The following KHDRBS2 variants were observed in gnomAD, a reference collection of about 807,000 sequenced individuals.
The protein encoded by KHDRBS2 is KH RNA binding domain containing, signal transduction associated 2.
A neutral mutation model predicts 44.3 loss-of-function variants in KHDRBS2; 26 were observed. That is an observed-to-expected ratio of 0.59 (90% CI 0.43 to 0.81). The LOEUF (loss-of-function observed/expected upper bound fraction) is 0.81, where lower values mean the gene tolerates loss of function less well. Among genes scored for constraint, KHDRBS2 ranks in the 40% least tolerant of loss-of-function variants. The pLI is 0.00. For missense variants in KHDRBS2, 476 were observed against 433.1 expected (o/e 1.10, Z -0.88); for synonymous variants, 194 against 151.1 (o/e 1.28, Z -2.08).
chr6:61,954,607 C>A (rs1289291899), intron 4 of KHDRBS2, among the ~76,000 whole-genome samples: 1 of 135,264 alleles, frequency 7.4e-6, no homozygotes, highest in Admixed American at 7.4e-5. Flanking sequence ...CACATACATA[C>A]TTATGTATAC....
intron 7 of KHDRBS2, among the ~76,000 whole-genome samples, chr6:61,730,977 A>T (rs192417436): frequency 1.3e-5 from 2 of 152,044 alleles, no homozygotes; most frequent in African/African-American, 4.8e-5. Context: ...TCATTATCAG[A>T]AAATTATTCC....
chr6:62,074,812 A>T lies in KHDRBS2; in HGVS notation c.220-26818T>A, dbSNP rs540710068. Among the ~76,000 whole-genome samples, 65 of 151,960 alleles carry T rather than the reference A, an allele frequency of 4.3e-4. No homozygotes were observed. In the South Asian group the frequency reaches 0.013, roughly 30 times the overall value. On this transcript the variant is annotated intron_variant, in intron 2 of 8. Coordinates refer to ENST00000281156, the MANE Select transcript of KHDRBS2 (RefSeq NM_152688.4). Reference sequence around the variant, plus strand: ...CTCTAGGACCTTAACATATTTTATTATAGTTTCAACATTTTTACTTCTCTG... The same window carrying T: ...CTCTAGGACCTTAACATATTTTATTTTAGTTTCAACATTTTTACTTCTCTG...
chr6:62,110,974 A>G lies in KHDRBS2; in HGVS notation c.220-62980T>C, dbSNP rs150156355. 6.8e-4 allele frequency among the ~76,000 whole-genome samples: 103 copies of G among 152,236 alleles called. 1 individual carries two copies. In the East Asian group the frequency reaches 0.019, roughly 28 times the overall value. On this transcript the variant is annotated intron_variant, in intron 2 of 8. Transcript: ENST00000281156. ...TAAAATTTAGAATTTGTTTTTAAGTATAACAGACCTTTATAATAACTCCAT... is the reference window on the plus strand; with the variant it reads ...TAAAATTTAGAATTTGTTTTTAAGTGTAACAGACCTTTATAATAACTCCAT...
intron 1 of KHDRBS2, among the ~76,000 whole-genome samples, chr6:62,207,450 T>C (rs1377719365): frequency 6.6e-6 from 1 of 152,128 alleles, no homozygotes; most frequent in Non-Finnish European, 1.5e-5. Flanking sequence ...GCCATTACAT[T>C]ACAAAACCTG....
At chr6:62,182,403 T>C (rs1460757351) in intron 1 of KHDRBS2, among the ~76,000 whole-genome samples, 1 of 152,014 alleles carries the variant, frequency 6.6e-6, no homozygotes, top group Non-Finnish European at 1.5e-5. Context: ...ATAGTGCCTA[T>C]AGTTAACATT....
chr6:61,900,453 G>T (rs1041505639), intron 5 of KHDRBS2, among the ~76,000 whole-genome samples: 3 of 152,096 alleles, frequency 2.0e-5, no homozygotes, highest in Non-Finnish European at 2.9e-5. Context: ...TCACATAGTT[G>T]TTCTCTGAAG....
chr6:61,633,330 T>C, the KHDRBS2 span, among the ~76,000 whole-genome samples: 3 of 152,044 alleles, frequency 2.0e-5, no homozygotes, highest in Non-Finnish European at 4.4e-5. Flanking sequence ...AAGTATTTGA[T>C]GAACTTATTT....
intron 3 of KHDRBS2, among the ~76,000 whole-genome samples, chr6:62,024,636 G>A (rs2127284029): frequency 6.6e-6 from 1 of 151,578 alleles, no homozygotes; most frequent in South Asian, 2.1e-4. Flanking sequence ...CTTTTATGGT[G>A]TTATTACAAA....
chr6:61,551,780 T>G, the KHDRBS2 span, among the ~76,000 whole-genome samples: 2 of 152,208 alleles, frequency 1.3e-5, no homozygotes, highest in African/African-American at 4.8e-5. Context: ...TAATATAGTT[T>G]GAAATTGGGT....
chr6:61,845,706 T>C (rs1168858228), intron 6 of KHDRBS2, among the ~76,000 whole-genome samples: 2 of 152,210 alleles, frequency 1.3e-5, no homozygotes, highest in South Asian at 4.2e-4. Flanking sequence ...GTTGGTTAGG[T>C]CGTTGGTGGT....
At chr6:62,066,164 A>T (rs1424683263) in intron 2 of KHDRBS2, among the ~76,000 whole-genome samples, 2 of 151,748 alleles carry the variant, frequency 1.3e-5, no homozygotes, top group African/African-American at 4.8e-5. Context: ...TTATATTAAC[A>T]AACAGTCCTA....
chr6:62,221,947 T>C (rs1025188850), intron 1 of KHDRBS2, among the ~76,000 whole-genome samples: 15 of 152,126 alleles, frequency 9.9e-5, no homozygotes, highest in Non-Finnish European at 2.1e-4. Flanking sequence ...ATCCACAGCA[T>C]GCAATCTGTT....
intron 7 of KHDRBS2, among the ~76,000 whole-genome samples, chr6:61,720,749 G>C (rs1772328512): frequency 1.3e-5 from 2 of 151,992 alleles, no homozygotes; most frequent in Middle Eastern, 3.4e-3. Context: ...TCTGATGGTA[G>C]TTTCTTTTGC....
intron 4 of KHDRBS2, among the ~76,000 whole-genome samples, chr6:61,940,497 G>A (rs1811934587): frequency 6.6e-6 from 1 of 152,130 alleles, no homozygotes; most frequent in Non-Finnish European, 1.5e-5. Flanking sequence ...GTTGTGCTGG[G>A]TCCCACATGC....
chr6:61,702,194 T>C (rs1438863117), intron 7 of KHDRBS2, among the ~76,000 whole-genome samples: 1 of 151,952 alleles, frequency 6.6e-6, no homozygotes, highest in Non-Finnish European at 1.5e-5. Flanking sequence ...CTACATTTTC[T>C]AGTCTCCTTT....
At chr6:61,962,624 T>C (rs1170656544) in intron 4 of KHDRBS2, among the ~76,000 whole-genome samples, 1 of 152,112 alleles carries the variant, frequency 6.6e-6, no homozygotes, top group Non-Finnish European at 1.5e-5. Context: ...GTTCTTTTTA[T>C]AGTTAGAAGA....
downstream of KHDRBS2, among the ~76,000 whole-genome samples, chr6:61,675,682 T>C (rs926525061): frequency 1.3e-5 from 2 of 151,818 alleles, no homozygotes; most frequent in Non-Finnish European, 2.9e-5. Flanking sequence ...CATATTTGAG[T>C]TCAGTAATAC....
chr6:61,963,627 C>G (rs532510443), intron 4 of KHDRBS2, among the ~76,000 whole-genome samples: 1 of 152,134 alleles, frequency 6.6e-6, no homozygotes, highest in African/African-American at 2.4e-5. Flanking sequence ...ATAGAACACT[C>G]TGTGAAATAA....
At chr6:62,115,113 T>C (rs1307001514) in intron 2 of KHDRBS2, among the ~76,000 whole-genome samples, 2 of 152,150 alleles carry the variant, frequency 1.3e-5, no homozygotes, top group South Asian at 2.1e-4. Context: ...TTGAAAAATA[T>C]ACACAAAGAA....
Sources: gnomAD v4.1 joint callset for allele counts (sites outside exome capture counted in the v4.1 genomes callset) on GRCh38, gnomAD v4.1.1 for gene constraint, MANE v1.5 for transcripts, NCBI Gene and HGNC (gene_info 2026-07-23, HGNC 2026-07-21) for gene names.